CSMD1: variants seen among roughly 807,000 people sequenced by gnomAD.
CSMD1 encodes the protein CUB and sushi domain-containing protein 1.
Under a neutral mutation model 417.5 loss-of-function variants are expected in CSMD1, and 213 were observed. The observed-to-expected ratio is 0.51, with a 90% confidence interval of 0.46 to 0.57. CSMD1 has a LOEUF of 0.57. Among genes scored for constraint, CSMD1 ranks in the 20% least tolerant of loss-of-function variants. The probability of loss-of-function intolerance (pLI) is 0.00; values close to 1 mark genes in which losing one functional copy is unlikely to be tolerated. For synonymous variants in CSMD1, 2,862 were observed against 1,736.8 expected, an observed-to-expected ratio of 1.65 and a Z score of -16.11; for missense variants, 6,923 against 4,529.7, an observed-to-expected ratio of 1.53 and a Z score of -15.17.
At chr8:4,384,373 T>C (rs1037911027) in intron 3 of CSMD1, among the ~76,000 whole-genome samples, 3 of 152,176 alleles carry the variant, frequency 2.0e-5, no homozygotes, top group African/African-American at 7.2e-5. Context: ...CCCATCACTA[T>C]GAAGCTACAA....
chr8:4,302,910 G>C (rs940092970), intron 3 of CSMD1, among the ~76,000 whole-genome samples: 5 of 151,936 alleles, frequency 3.3e-5, no homozygotes, highest in East Asian at 3.9e-4. Flanking sequence ...TAACTCAAAA[G>C]ACAGATTTTT....
chr8:2,972,608 T>G (rs1411551788), intron 57 of CSMD1, among the ~76,000 whole-genome samples: 1 of 152,154 alleles, frequency 6.6e-6, no homozygotes, highest in African/African-American at 2.4e-5. Context: ...CTACGATGCC[T>G]CTCAAACATT....
chr8:3,316,150 C>T (rs1428054760), intron 23 of CSMD1, among the ~76,000 whole-genome samples: 2 of 152,170 alleles, frequency 1.3e-5, no homozygotes, highest in Non-Finnish European at 2.9e-5. Context: ...CTAAATTCAT[C>T]TTTAAATACA....
intron 3 of CSMD1, among the ~76,000 whole-genome samples, chr8:4,324,422 G>C (rs1799437854): frequency 6.6e-6 from 1 of 152,212 alleles, no homozygotes; most frequent in African/African-American, 2.4e-5. Context: ...TGGCAGGAAA[G>C]CTAGAAGCCT....
intron 5 of CSMD1, among the ~76,000 whole-genome samples, chr8:3,809,665 G>C (rs1461172564): frequency 1.3e-5 from 2 of 152,158 alleles, no homozygotes; most frequent in Non-Finnish European, 2.9e-5. Flanking sequence ...ATCAGGTGAT[G>C]CTGATGCTGC....
intron 4 of CSMD1, among the ~76,000 whole-genome samples, chr8:4,025,305 C>T (rs574527694): frequency 2.0e-5 from 3 of 152,284 alleles, no homozygotes; most frequent in South Asian, 4.1e-4. Context: ...ACACAGTGGA[C>T]CATCTTTCAT....
intron 3 of CSMD1, among the ~76,000 whole-genome samples, chr8:4,250,247 C>G (rs905685591): frequency 3.2e-4 from 48 of 152,188 alleles, no homozygotes; most frequent in Admixed American, 2.2e-3. Context: ...CTAAGACAAC[C>G]TGCAAGAACA....
chr8:4,958,207 A>G (rs1437449626), intron 1 of CSMD1, among the ~76,000 whole-genome samples: 3 of 152,142 alleles, frequency 2.0e-5, no homozygotes, highest in African/African-American at 7.2e-5. Context: ...TCCACATTAT[A>G]TTTTTATAGT....
At chr8:4,435,654 G>A (rs1798107983) in intron 2 of CSMD1, among the ~76,000 whole-genome samples, 1 of 152,170 alleles carries the variant, frequency 6.6e-6, no homozygotes, top group African/African-American at 2.4e-5. Context: ...TGGGGGAAGG[G>A]GATTTCCTGT....
At chr8:4,851,227 T>A (rs777499337) in intron 1 of CSMD1, among the ~76,000 whole-genome samples, 1 of 151,824 alleles carries the variant, frequency 6.6e-6, no homozygotes, top group African/African-American at 2.4e-5. Context: ...AATAGTTTGC[T>A]GAGAATGATG....
At chr8:3,737,376 T>A (rs542299710) in intron 6 of CSMD1, among the ~76,000 whole-genome samples, 1 of 152,238 alleles carries the variant, frequency 6.6e-6, no homozygotes, top group Non-Finnish European at 1.5e-5. Flanking sequence ...ACATTCTTCA[T>A]TGTGCAATCT....
intron 2 of CSMD1, among the ~76,000 whole-genome samples, chr8:4,435,336 G>C (rs900372507): frequency 3.2e-4 from 49 of 152,196 alleles, no homozygotes; most frequent in Admixed American, 1.1e-3. Context: ...GCAGGATTAT[G>C]GAGTTTTGAG....
chr8:4,990,560 T>G (rs1584958630), intron 1 of CSMD1, among the ~76,000 whole-genome samples: 1 of 152,132 alleles, frequency 6.6e-6, no homozygotes, highest in African/African-American at 2.4e-5. Context: ...AGATGGGGTT[T>G]CACTATGTTG....
chr8:3,381,934 G>T (rs1230996653), intron 18 of CSMD1, among the ~76,000 whole-genome samples: 3 of 152,062 alleles, frequency 2.0e-5, no homozygotes, highest in African/African-American at 7.2e-5. Flanking sequence ...AACATGCATT[G>T]TTCTATTACC....
chr8:4,838,714 G>A (rs373561974), intron 1 of CSMD1, among the ~76,000 whole-genome samples: 4 of 152,276 alleles, frequency 2.6e-5, no homozygotes, highest in African/African-American at 9.6e-5. Flanking sequence ...ACTTGCCCAA[G>A]CCTCCCTTGT....
At position 4,154,072 on chromosome 8, in the gene CSMD1, T is replaced by C. The variant is rs562988165; in HGVS notation, c.416-121973A>G. 1.2e-4 allele frequency among the ~76,000 whole-genome samples: 18 copies of C among 152,260 alleles called. No homozygotes were observed. In the East Asian group the frequency reaches 3.5e-3, roughly 29 times the overall value. On this transcript the variant is annotated intron_variant, in intron 3 of 69. Transcript: ENST00000635120. ...TTTTCCTAAGGAGGTAATAAATAAA[T>C]TGGAAGAAACACTGAAAATACAGCA... is the stretch of plus-strand genomic sequence containing the variant.
At chr8:3,480,038 C>G (rs1399975300) in intron 11 of CSMD1, among the ~76,000 whole-genome samples, 1 of 152,076 alleles carries the variant, frequency 6.6e-6, no homozygotes, top group Non-Finnish European at 1.5e-5. Flanking sequence ...TTCTCCTACA[C>G]TAAACAACAG....
At chr8:4,322,449 G>C (rs953690743) in intron 3 of CSMD1, among the ~76,000 whole-genome samples, 1 of 152,072 alleles carries the variant, frequency 6.6e-6, no homozygotes, top group Admixed American at 6.6e-5. Flanking sequence ...CATAAGAGTA[G>C]GAAAAACCCA....
At chr8:3,379,829 T>C (rs950602510) in intron 18 of CSMD1, among the ~76,000 whole-genome samples, 2 of 152,138 alleles carry the variant, frequency 1.3e-5, no homozygotes, top group Admixed American at 6.5e-5. Context: ...ATTCAGGACA[T>C]AGGCATGGGC....
Sources: gnomAD v4.1 joint callset for allele counts (sites outside exome capture counted in the v4.1 genomes callset) on GRCh38, gnomAD v4.1.1 for gene constraint, MANE v1.5 for transcripts, NCBI Gene and HGNC (gene_info 2026-07-23, HGNC 2026-07-21) for gene names.